The following OTUD7A variants were observed in gnomAD, a reference collection of about 807,000 sequenced individuals.
OTUD7A encodes the protein OTU deubiquitinase 7A, also known as OTU domain-containing protein 7A.
OTUD7A carries 12 observed loss-of-function variants against 65.7 expected under a neutral mutation model. The ratio of observed to expected loss-of-function variants is 0.18; its 90% CI spans 0.12 to 0.30. The LOEUF is 0.30. Among genes scored for constraint, OTUD7A ranks in the 10% least tolerant of loss-of-function variants. The pLI, the probability that OTUD7A is intolerant of heterozygous loss-of-function variation, is 1.00. For synonymous variants in OTUD7A, 641 were observed against 586.3 expected (o/e 1.09, Z -1.35); for missense variants, 1,148 against 1,304.8 (o/e 0.88, Z 1.85).
chr15:31,547,828 A>G (rs527706648), intron 5 of OTUD7A, among the ~76,000 whole-genome samples: 24 of 152,226 alleles, frequency 1.6e-4, no homozygotes, highest in Non-Finnish European at 2.9e-4. Context: ...TCTAATCATA[A>G]ACAAAACACA....
At chr15:31,570,756 C>G (rs185944819) in intron 3 of OTUD7A, among the ~76,000 whole-genome samples, 3 of 152,226 alleles carry the variant, frequency 2.0e-5, no homozygotes, top group Middle Eastern at 3.4e-3. Flanking sequence ...CCAGGCTGGG[C>G]AGGTGTGCCC....
At chr15:31,704,509 T>A (rs1423181101) in intron 1 of OTUD7A, among the ~76,000 whole-genome samples, 1 of 148,988 alleles carries the variant, frequency 6.7e-6, no homozygotes, top group Admixed American at 6.8e-5. Flanking sequence ...AAGTTCTGAA[T>A]TTTTGTTACA....
At chr15:31,634,106 G>A (rs1891263792) in intron 3 of OTUD7A, among the ~76,000 whole-genome samples, 1 of 152,240 alleles carries the variant, frequency 6.6e-6, no homozygotes, top group Admixed American at 6.5e-5. Flanking sequence ...AGTCTCCCAG[G>A]AGAGACCTGG....
Position 31,479,664 on chromosome 15 carries a change from G to A in OTUD7A, c.*3630C>T, listed in dbSNP as rs933864802. The A allele has an allele frequency of 6.8e-6, 1 of 147,350 alleles. No homozygotes were observed. The highest frequency in any genetic ancestry group is 1.5e-5 in the Non-Finnish European group (1 of 66,532). The allele number at this position is 147,350 out of a possible 1,614,324, so 9.1% of individuals were successfully genotyped here. On this transcript the variant is annotated 3_prime_UTR_variant, in exon 13 of 13. Coordinates refer to ENST00000307050, the MANE Select transcript of OTUD7A (RefSeq NM_001382637.1). The stretch of plus-strand genomic sequence containing the variant: ...AAATAAGTTTGTGGACACTAAGTGG[G>A]GGGGGGGGGTGATGGGCCCATGACC...
At chr15:31,539,469 A>T (rs1004023485) in intron 5 of OTUD7A, among the ~76,000 whole-genome samples, 28 of 152,308 alleles carry the variant, frequency 1.8e-4, no homozygotes, top group African/African-American at 6.7e-4. Context: ...ACTGGCTGGG[A>T]ATCTTAAAAT....
intron 1 of OTUD7A, among the ~76,000 whole-genome samples, chr15:31,669,522 G>A (rs1403093282): frequency 6.6e-6 from 1 of 152,222 alleles, no homozygotes; most frequent in African/African-American, 2.4e-5. Context: ...CCCCAAGTCT[G>A]TTTCCAGGCA....
chr15:31,612,256 T>C (rs974078602), intron 3 of OTUD7A, among the ~76,000 whole-genome samples: 4 of 152,160 alleles, frequency 2.6e-5, no homozygotes, highest in African/African-American at 9.7e-5. Flanking sequence ...ATGCCCACTC[T>C]CACTACTCTT....
At chr15:31,726,128 T>G (rs961023877) in intron 1 of OTUD7A, among the ~76,000 whole-genome samples, 3 of 152,006 alleles carry the variant, frequency 2.0e-5, no homozygotes, top group Non-Finnish European at 1.5e-5. Flanking sequence ...GTTGAGCTCC[T>G]TTTTCTTCTC....
intron 5 of OTUD7A, chr15:31,558,651 G>A (rs562477668): frequency 6.4e-5 from 25 of 388,410 alleles, no homozygotes; most frequent in South Asian, 2.4e-4. Context: ...CAACACCCAC[G>A]GAGGAGTTGT....
intron 1 of OTUD7A, among the ~76,000 whole-genome samples, chr15:31,863,335 G>A (rs1348739590): frequency 1.3e-5 from 2 of 152,148 alleles, no homozygotes; most frequent in Non-Finnish European, 2.9e-5. Flanking sequence ...ACTTGTGTGG[G>A]GGCTCTGACC....
In OTUD7A at chr15:31,566,633, AG is replaced by A. The variant is rs554108524; in HGVS notation, c.331+3384del. Among the ~76,000 whole-genome samples, 35 of 152,232 alleles carry A rather than the reference AG, an allele frequency of 2.3e-4. No individual in the cohort carries two copies. The South Asian group carries it at 6.9e-3, about 30-fold the overall frequency. On this transcript the variant is annotated intron_variant, in intron 4 of 12. Coordinates refer to ENST00000307050, the MANE Select transcript of OTUD7A (RefSeq NM_001382637.1). Reference sequence around the variant, plus strand: ...GTTGAAATGTGATCCCCAATCTTGGAGGGGGGGTCTGGTGGGAGGTGTGTGG... The same window carrying A: ...GTTGAAATGTGATCCCCAATCTTGGAGGGGGGTCTGGTGGGAGGTGTGTGG...
chr15:31,788,419 G>T (rs1249001950), intron 1 of OTUD7A, among the ~76,000 whole-genome samples: 2 of 152,168 alleles, frequency 1.3e-5, no homozygotes, highest in Non-Finnish European at 2.9e-5. Flanking sequence ...CAGATGGATG[G>T]TCCTTTCCTC....
chr15:31,560,007 C>T (rs1888638820), intron 4 of OTUD7A, among the ~76,000 whole-genome samples: 1 of 152,184 alleles, frequency 6.6e-6, no homozygotes, highest in Admixed American at 6.5e-5. Context: ...AGCTGCAAGC[C>T]CACAGTACAA....
At chr15:31,857,743 G>C (rs1246827174) in intron 1 of OTUD7A, among the ~76,000 whole-genome samples, 1 of 152,144 alleles carries the variant, frequency 6.6e-6, no homozygotes, top group Admixed American at 6.5e-5. Flanking sequence ...GCATCTCCTG[G>C]ACCATGAAGG....
intron 3 of OTUD7A, among the ~76,000 whole-genome samples, chr15:31,607,267 T>G (rs557307029): frequency 6.6e-6 from 1 of 152,270 alleles, no homozygotes; most frequent in Admixed American, 6.5e-5. Flanking sequence ...TAGAAACTAG[T>G]ACTCAGGGCC....
At chr15:31,824,296 T>A (rs1240806516) in intron 1 of OTUD7A, among the ~76,000 whole-genome samples, 1 of 152,146 alleles carries the variant, frequency 6.6e-6, no homozygotes, top group African/African-American at 2.4e-5. Flanking sequence ...CGACCCTCCA[T>A]CACTTCACCT....
rs1399692661 is a variant in OTUD7A at position 31,753,704 on chromosome 15, A to ATATATATATATATTATATATATATATAT, written c.-99-96628_-99-96627insATATATATATATATAATATATATATATA. On this transcript the variant is annotated intron_variant, in intron 1 of 12. Transcript: ENST00000307050. The stretch of plus-strand genomic sequence containing the variant: ...CCTGTGAGATATATATATATATATT[A>ATATATATATATATTATATATATATATAT]TATATATATATATATATTATATATA... Among the ~76,000 whole-genome samples the ATATATATATATATTATATATATATATAT allele has an allele frequency of 2.4e-3, 36 of 15,290 alleles. 2 individuals carry two copies. The highest frequency in any genetic ancestry group is 0.015 in the East Asian group (16 of 1,046). 10.0% of individuals were successfully genotyped at this position (15,290 alleles called of 152,430 possible).
chr15:31,633,058 C>T (rs531951429), intron 3 of OTUD7A, among the ~76,000 whole-genome samples: 1 of 152,230 alleles, frequency 6.6e-6, no homozygotes, highest in African/African-American at 2.4e-5. Context: ...AATTCCCTGA[C>T]CCCTTGAGCT....
At chr15:31,836,915 T>C (rs926724192) in intron 1 of OTUD7A, among the ~76,000 whole-genome samples, 5 of 152,208 alleles carry the variant, frequency 3.3e-5, no homozygotes, top group Non-Finnish European at 4.4e-5. Context: ...TGCTTTTTCC[T>C]TATGGTCAGA....
Sources: gnomAD v4.1 joint callset for allele counts (sites outside exome capture counted in the v4.1 genomes callset) on GRCh38, gnomAD v4.1.1 for gene constraint, MANE v1.5 for transcripts, NCBI Gene and HGNC (gene_info 2026-07-23, HGNC 2026-07-21) for gene names.